The following COL25A1 variants were observed in gnomAD, a reference collection of about 807,000 sequenced individuals.
COL25A1 encodes collagen type XXV alpha 1 chain.
Under a neutral mutation model 128.4 loss-of-function variants are expected in COL25A1, and 103 were observed. The ratio of observed to expected loss-of-function variants is 0.80; its 90% CI spans 0.68 to 0.94. The LOEUF is 0.94. Among genes scored for constraint, COL25A1 ranks in the 40% least tolerant of loss-of-function variants. COL25A1 has a pLI of 0.00. For synonymous variants in COL25A1, 279 were observed against 277.2 expected (o/e 1.01, Z -0.06); for missense variants, 745 against 840.0 (o/e 0.89, Z 1.40).
At chr4:109,166,254 CATGTCTAGT>C (rs1234115348) in intron 3 of COL25A1, among the ~76,000 whole-genome samples, 5 of 152,288 alleles carry the variant, frequency 3.3e-5, no homozygotes, top group African/African-American at 1.2e-4. Context: ...ATTCATCTAG[CATGTCTAGT>C]AGATCAATTG....
chr4:109,097,067 A>G (rs1439841461), intron 3 of COL25A1, among the ~76,000 whole-genome samples: 1 of 152,234 alleles, frequency 6.6e-6, no homozygotes, highest in Non-Finnish European at 1.5e-5. Context: ...TAAGGGTTAA[A>G]AGCAGAAGGA....
chr4:109,248,477 C>T (rs13120461), intron 3 of COL25A1, among the ~76,000 whole-genome samples: 14 of 152,104 alleles, frequency 9.2e-5, no homozygotes, highest in African/African-American at 3.1e-4. Flanking sequence ...GAATCCAGAG[C>T]GACATTGTAC....
intron 3 of COL25A1, among the ~76,000 whole-genome samples, chr4:109,140,155 C>A (rs1240876182): frequency 6.6e-6 from 1 of 152,062 alleles, no homozygotes; most frequent in African/African-American, 2.4e-5. Flanking sequence ...GTCTTTATAG[C>A]AGCATGATTT....
At chr4:109,291,710 A>G (rs1724490626) in intron 3 of COL25A1, among the ~76,000 whole-genome samples, 2 of 152,098 alleles carry the variant, frequency 1.3e-5, no homozygotes, top group Non-Finnish European at 2.9e-5. Flanking sequence ...TAAGGGAAGA[A>G]ATTTGAAGAA....
intron 6 of COL25A1, among the ~76,000 whole-genome samples, chr4:109,007,826 T>C (rs921390790): frequency 6.6e-6 from 1 of 152,138 alleles, no homozygotes; most frequent in Non-Finnish European, 1.5e-5. Context: ...TGATATACGT[T>C]CATTCTTAGC....
intron 3 of COL25A1, among the ~76,000 whole-genome samples, chr4:109,162,108 G>C (rs540309487): frequency 6.6e-6 from 1 of 152,276 alleles, no homozygotes; most frequent in Non-Finnish European, 1.5e-5. Context: ...ATTCAAATTA[G>C]TGTAATATGG....
At chr4:109,178,649 C>A (rs1774323860) in intron 3 of COL25A1, among the ~76,000 whole-genome samples, 1 of 151,848 alleles carries the variant, frequency 6.6e-6, no homozygotes, top group East Asian at 1.9e-4. Flanking sequence ...ATGGTGAAAC[C>A]CCGTCTCTAC....
rs762696706 is a variant in COL25A1, at chr4:108,937,812, A to G, written c.704T>C (p.Leu235Ser). The G allele has an allele frequency of 2.6e-5, 42 of 1,607,092 alleles. No homozygotes were observed. The highest frequency in any genetic ancestry group is 3.4e-5 in the Non-Finnish European group (40 of 1,177,098). Residue 235 changes from leucine to serine, a missense_variant, in exon 11 of 38, where the codon TTG becomes TCG. Leu to Ser is a moderately radical substitution (Grantham distance 145). Around this residue, in one of 3 missense-constraint regions of COL25A1, gnomAD observed 319 missense variants for 324.9 expected, o/e 0.98. Transcript: ENST00000399132. ...AAGATAAACTGAGATACTTGCCATC[A>G]AGCCTTGTTCTCCTGGCTTTCCTGG... ...GEPGKPGEQG[L>S]MGPLGPPGQK...
Position 108,863,113 on chromosome 4 carries a change from T to C in COL25A1, c.1152+206A>G, listed in dbSNP as rs373842904. On this transcript the variant is annotated intron_variant, in intron 21 of 37. Coordinates refer to ENST00000399132, the MANE Select transcript of COL25A1 (RefSeq NM_198721.4). ...ACTTCTTTTACATTTGGATATGCTA[T>C]CAATTTGCTCACTGAACAGAACAGA... Among the ~76,000 whole-genome samples, 332 of 152,304 alleles carry C rather than the reference T, an allele frequency of 2.2e-3. 2 individuals are homozygous for C. The highest frequency in any genetic ancestry group is 7.6e-3 in the African/African-American group (314 of 41,550).
intron 3 of COL25A1, among the ~76,000 whole-genome samples, chr4:109,067,238 T>C (rs536447104): frequency 8.6e-4 from 131 of 152,322 alleles, no homozygotes; most frequent in African/African-American, 2.8e-3. Context: ...GAACATCCTA[T>C]GGATATAAAA....
intron 3 of COL25A1, among the ~76,000 whole-genome samples, chr4:109,152,620 A>G (rs1442807170): frequency 6.6e-6 from 1 of 152,114 alleles, no homozygotes; most frequent in Non-Finnish European, 1.5e-5. Flanking sequence ...CAACCTAAAC[A>G]CCCATGGGTG....
intron 9 of COL25A1, 117 bp from the exon 10 acceptor site, chr4:108,940,763 G>A (rs1747994456): frequency 6.1e-6 from 4 of 657,048 alleles, no homozygotes; most frequent in Admixed American, 6.9e-5. Context: ...AAAAGAACCA[G>A]AACAACCACA....
intron 5 of COL25A1, among the ~76,000 whole-genome samples, chr4:109,025,814 C>T (rs138557885): frequency 6.6e-6 from 1 of 152,098 alleles, no homozygotes; most frequent in African/African-American, 2.4e-5. Flanking sequence ...AATAACCCTG[C>T]AAATTAGGGG....
intron 8 of COL25A1, chr4:108,942,201 C>A: frequency 1.9e-6 from 3 of 1,550,166 alleles, no homozygotes. Context: ...TGAGTGACAA[C>A]CACAAACCTT....
At chr4:109,119,505 C>T (rs570414441) in intron 3 of COL25A1, among the ~76,000 whole-genome samples, 1 of 152,040 alleles carries the variant, frequency 6.6e-6, no homozygotes, top group Non-Finnish European at 1.5e-5. Flanking sequence ...CTACAGATCC[C>T]ATGGACATTA....
chr4:109,109,097 T>TTCTC (rs1249255305), intron 3 of COL25A1, among the ~76,000 whole-genome samples: 6 of 95,868 alleles, frequency 6.3e-5, no homozygotes, highest in African/African-American at 3.1e-4. Flanking sequence ...TTTTTTTCCC[T>TTCTC]TCTTTCTTTC....
intron 3 of COL25A1, among the ~76,000 whole-genome samples, chr4:109,160,044 A>T (rs1772405342): frequency 6.6e-6 from 1 of 152,236 alleles, no homozygotes; most frequent in Non-Finnish European, 1.5e-5. Context: ...AAAGTTTGTA[A>T]TTGTGACAAA....
chr4:109,017,132 C>G (rs142733147), intron 5 of COL25A1, among the ~76,000 whole-genome samples: 4 of 152,194 alleles, frequency 2.6e-5, no homozygotes, highest in African/African-American at 7.2e-5. Flanking sequence ...CATGGGTGCC[C>G]ACAGCAGAAG....
chr4:109,028,620 G>C (rs1181686258), intron 5 of COL25A1, among the ~76,000 whole-genome samples: 1 of 152,148 alleles, frequency 6.6e-6, no homozygotes, highest in African/African-American at 2.4e-5. Flanking sequence ...CAGCTACTTG[G>C]GAGGCTGAGG....
Sources: gnomAD v4.1 joint callset for allele counts (sites outside exome capture counted in the v4.1 genomes callset) on GRCh38, gnomAD v4.1.1 for gene constraint, gnomAD v4.1.1 regional missense constraint, MANE v1.5 for transcripts, NCBI Gene and HGNC (gene_info 2026-07-23, HGNC 2026-07-21) for gene names.